CNTNAP2: variants seen among roughly 807,000 people sequenced by gnomAD.
CNTNAP2 encodes contactin-associated protein-like 2.
Under a neutral mutation model 155.2 loss-of-function variants are expected in CNTNAP2, and 98 were observed. The ratio of observed to expected loss-of-function variants is 0.63; its 90% CI spans 0.54 to 0.75. CNTNAP2 has a LOEUF of 0.75. Ranked by LOEUF, CNTNAP2 falls within the 30% of genes least tolerant of loss-of-function variation. CNTNAP2 has a pLI of 0.00. For synonymous variants in CNTNAP2, 651 were observed against 631.2 expected (o/e 1.03, Z -0.47); for missense variants, 1,727 against 1,688.1 (o/e 1.02, Z -0.40).
intron 21 of CNTNAP2, among the ~76,000 whole-genome samples, chr7:148,364,079 C>T (rs1798681441): frequency 6.6e-6 from 1 of 152,228 alleles, no homozygotes; most frequent in Admixed American, 6.5e-5. Flanking sequence ...GCCCGCCATG[C>T]CTGAGCCTCC....
intron 9 of CNTNAP2, among the ~76,000 whole-genome samples, chr7:147,310,831 G>A (rs749443366): frequency 1.3e-5 from 2 of 152,276 alleles, no homozygotes; most frequent in East Asian, 1.9e-4. Context: ...ATTTTGCAGC[G>A]AGGAAGAGAG....
chr7:146,664,868 A>G (rs1260002576), intron 1 of CNTNAP2, among the ~76,000 whole-genome samples: 1 of 152,154 alleles, frequency 6.6e-6, no homozygotes, highest in Non-Finnish European at 1.5e-5. Context: ...ATTAGTTTGT[A>G]TCTTTGCATG....
intron 8 of CNTNAP2, among the ~76,000 whole-genome samples, chr7:147,294,218 C>T (rs1465523713): frequency 2.0e-5 from 3 of 152,168 alleles, no homozygotes; most frequent in South Asian, 2.1e-4. Flanking sequence ...TACTAACTTG[C>T]ACATAAACTG....
At chr7:147,907,080 G>A (rs576109047) in intron 14 of CNTNAP2, among the ~76,000 whole-genome samples, 13 of 151,766 alleles carry the variant, frequency 8.6e-5, no homozygotes, top group African/African-American at 2.7e-4. Flanking sequence ...TTTAAGAGAC[G>A]GAGTCTTGCT....
chr7:146,421,875 A>G (rs914475345), intron 1 of CNTNAP2, among the ~76,000 whole-genome samples: 4 of 140,396 alleles, frequency 2.8e-5, no homozygotes, highest in South Asian at 2.1e-4. Context: ...ATGAATTTAT[A>G]TATAAACAAA....
rs1802866826 is a variant in CNTNAP2, at chr7:148,050,431, GATAGA to G, written c.2384-67682_2384-67678del. ...AAAATTCAAAGTAGAAGAAAAGGCT[GATAGA>G]ATAGGATATAAAGAAAAAATATTTT... is the stretch of plus-strand genomic sequence containing the variant. On this transcript the variant is annotated intron_variant, in intron 15 of 23. Transcript: ENST00000361727. Among the ~76,000 whole-genome samples the G allele has an allele frequency of 2.6e-5, 4 of 152,118 alleles. No homozygotes were observed. The South Asian group carries it at 8.3e-4, about 31-fold the overall frequency.
At chr7:146,151,246 T>C (rs1450143056) in intron 1 of CNTNAP2, among the ~76,000 whole-genome samples, 1 of 152,092 alleles carries the variant, frequency 6.6e-6, no homozygotes, top group East Asian at 1.9e-4. Context: ...TATCATTCTC[T>C]TAGCAGTTTT....
chr7:147,683,136 A>G (rs1368723848), intron 13 of CNTNAP2, among the ~76,000 whole-genome samples: 1 of 151,938 alleles, frequency 6.6e-6, no homozygotes, highest in African/African-American at 2.4e-5. Context: ...CATATAATAT[A>G]TAACATTTAC....
In CNTNAP2 at chr7:146,884,430, T is replaced by C. The variant is rs190679018; in HGVS notation, c.402+44526T>C. On this transcript the variant is annotated intron_variant, in intron 3 of 23. Transcript: ENST00000361727. ...GAAAGAGTGGTCCCTATTTTGGCTG[T>C]TACTACTATACAGCTCCTTCTCTTC... Among the ~76,000 whole-genome samples, 319 of 152,244 alleles carry C rather than the reference T, an allele frequency of 2.1e-3. 2 individuals are homozygous for C. Among genetic ancestry groups the C allele is most frequent in the African/African-American group, 7.3e-3 (305 of 41,546 alleles).
At chr7:146,148,146 A>G (rs537090206) in intron 1 of CNTNAP2, among the ~76,000 whole-genome samples, 5 of 152,188 alleles carry the variant, frequency 3.3e-5, no homozygotes, top group Admixed American at 3.3e-4. Context: ...ATGTTCTTTT[A>G]TTTTTAAAAT....
Position 147,816,780 on chromosome 7 carries a change from A to G in CNTNAP2, c.2099-86785A>G, listed in dbSNP as rs851660. Among the ~76,000 whole-genome samples the G allele has an allele frequency of 4.8e-3, 737 of 152,278 alleles. 4 individuals carry two copies. Among genetic ancestry groups the G allele is most frequent in the African/African-American group, 0.017 (701 of 41,568 alleles). On this transcript the variant is annotated intron_variant, in intron 13 of 23. Coordinates refer to ENST00000361727, the MANE Select transcript of CNTNAP2 (RefSeq NM_014141.6). ...CAGTTCATTAATGTGTAAGAATAAA[A>G]CTCACCATTTTGCAATGTTAATAAA...
chr7:146,710,291 A>T lies in CNTNAP2; in HGVS notation c.98-63980A>T, dbSNP rs1211229370. On this transcript the variant is annotated intron_variant, in intron 1 of 23. Transcript: ENST00000361727. ...GGGGATCAGAATTTTGTCTCAAGGG[A>T]ACTGTAGTGTTGCTGCTTAGAAGTG... 2.0e-5 allele frequency among the ~76,000 whole-genome samples: 3 copies of T among 152,204 alleles called. No individual in the cohort carries two copies. In the East Asian group the frequency reaches 5.8e-4, roughly 29 times the overall value.
In CNTNAP2 at chr7:148,112,278, CA is replaced by C. The variant is rs551949679; in HGVS notation, c.2384-5835del. 1.9e-3 allele frequency among the ~76,000 whole-genome samples: 287 copies of C among 151,730 alleles called. 1 individual carries two copies. The highest frequency in any genetic ancestry group is 6.6e-3 in the African/African-American group (274 of 41,372). ...TACAAGAAAATACAATTGCAACAAACAAAAATATAAGAAAATACAATTACAT... is the reference window on the plus strand; with the variant it reads ...TACAAGAAAATACAATTGCAACAAACAAAATATAAGAAAATACAATTACAT... On this transcript the variant is annotated intron_variant, in intron 15 of 23. Coordinates refer to ENST00000361727, the MANE Select transcript of CNTNAP2 (RefSeq NM_014141.6).
chr7:146,442,669 T>C (rs1796336935), intron 1 of CNTNAP2, among the ~76,000 whole-genome samples: 1 of 152,148 alleles, frequency 6.6e-6, no homozygotes, highest in African/African-American at 2.4e-5. Context: ...TCGTGACTTA[T>C]CCTTGAGTCC....
rs144568187 is a variant in CNTNAP2 at position 148,388,829 on chromosome 7, G to A, written c.3715+4941G>A. Among the ~76,000 whole-genome samples, 712 of 152,252 alleles carry A rather than the reference G, an allele frequency of 4.7e-3. 1 individual carries two copies. The highest frequency in any genetic ancestry group is 7.1e-3 in the Non-Finnish European group (486 of 68,016). On this transcript the variant is annotated intron_variant, in intron 22 of 23. Coordinates refer to ENST00000361727, the MANE Select transcript of CNTNAP2 (RefSeq NM_014141.6). ...CCCTGTTTGCCTGGGTATCTGCAGCGGTGTTTGCAGAACAGCGGTTTTTCG... is the reference window on the plus strand; with the variant it reads ...CCCTGTTTGCCTGGGTATCTGCAGCAGTGTTTGCAGAACAGCGGTTTTTCG...
chr7:147,682,180 T>C (rs569602512), intron 13 of CNTNAP2, among the ~76,000 whole-genome samples: 2 of 151,990 alleles, frequency 1.3e-5, no homozygotes, highest in East Asian at 3.9e-4. Context: ...TTAAAAATAA[T>C]GTATATCAAA....
At position 146,444,661 on chromosome 7, in the gene CNTNAP2, C is replaced by CTTTTTTTTT. The variant is rs772101193; in HGVS notation, c.97+327694_97+327702dup. Among the ~76,000 whole-genome samples the CTTTTTTTTT allele has an allele frequency of 2.9e-3, 415 of 142,220 alleles. 7 individuals carry two copies. The highest frequency in any genetic ancestry group is 0.01 in the African/African-American group (400 of 38,392). The allele number at this position is 142,220 out of a possible 152,430, so 93.3% of individuals were successfully genotyped here. On this transcript the variant is annotated intron_variant, in intron 1 of 23. Coordinates refer to ENST00000361727, the MANE Select transcript of CNTNAP2 (RefSeq NM_014141.6). ...TCATAAATCCATAGATCCTCTCTCT[C>CTTTTTTTTT]TTTTTTTTTTTTTTGAGACAGCATT...
At chr7:147,944,565 A>AT (rs1800787032) in intron 14 of CNTNAP2, among the ~76,000 whole-genome samples, 1 of 152,214 alleles carries the variant, frequency 6.6e-6, no homozygotes, top group South Asian at 2.1e-4. Flanking sequence ...GCTGAGGGAA[A>AT]TTGACAAGTG....
At chr7:147,077,261 G>A (rs1314719749) in intron 4 of CNTNAP2, among the ~76,000 whole-genome samples, 1 of 151,476 alleles carries the variant, frequency 6.6e-6, no homozygotes, top group East Asian at 1.9e-4. Context: ...CCTTATAAAA[G>A]TAACCTACAT....
Sources: allele counts gnomAD v4.1 joint callset (sites outside exome capture counted in the v4.1 genomes callset), GRCh38; gene constraint gnomAD v4.1.1; transcripts MANE v1.5; gene names NCBI Gene and HGNC (gene_info 2026-07-23, HGNC 2026-07-21).